PDE8A: variants seen among roughly 807,000 people sequenced by gnomAD.
PDE8A encodes phosphodiesterase 8A.
In PDE8A, 59 loss-of-function variants were observed where a neutral mutation model predicts 105.0. That is an observed-to-expected ratio of 0.56 (90% CI 0.46 to 0.70). The LOEUF is 0.70. PDE8A is among the 30% of genes least tolerant of loss of function. The pLI, the probability that PDE8A is intolerant of heterozygous loss-of-function variation, is 0.00. For missense variants in PDE8A, 1,014 were observed against 1,045.9 expected (o/e 0.97, Z 0.42); for synonymous variants, 355 against 371.9 (o/e 0.95, Z 0.52).
At chr15:85,096,994 A>T (rs1380337555) in intron 8 of PDE8A, among the ~76,000 whole-genome samples, 1 of 152,172 alleles carries the variant, frequency 6.6e-6, no homozygotes, top group Non-Finnish European at 1.5e-5. Context: ...GACCTGGAGT[A>T]GGGCTCTGGA....
chr15:85,097,299 G>A (rs1176721251), intron 8 of PDE8A, among the ~76,000 whole-genome samples: 1 of 152,138 alleles, frequency 6.6e-6, no homozygotes, highest in African/African-American at 2.4e-5. Context: ...GTCTTGTTCT[G>A]TGTAGCCCTC....
At chr15:85,084,388 A>G (rs1221548522) in intron 6 of PDE8A, among the ~76,000 whole-genome samples, 1 of 152,072 alleles carries the variant, frequency 6.6e-6, no homozygotes, top group Non-Finnish European at 1.5e-5. Flanking sequence ...ATTAGCGGGC[A>G]GAGTGTGAGT....
chr15:85,105,236 C>T (rs1191914617), intron 11 of PDE8A, among the ~76,000 whole-genome samples: 2 of 152,000 alleles, frequency 1.3e-5, no homozygotes, highest in South Asian at 2.1e-4. Flanking sequence ...GAGATTTGGT[C>T]TGTGCCTGGA....
intron 1 of PDE8A, among the ~76,000 whole-genome samples, chr15:84,995,569 C>T (rs2079963241): frequency 6.6e-6 from 1 of 152,164 alleles, no homozygotes; most frequent in Non-Finnish European, 1.5e-5. Flanking sequence ...AGTCCTCCTG[C>T]CTCAGCTTCC....
At chr15:85,043,504 A>G (rs1332056575) in intron 1 of PDE8A, among the ~76,000 whole-genome samples, 2 of 152,184 alleles carry the variant, frequency 1.3e-5, no homozygotes, top group South Asian at 4.1e-4. Flanking sequence ...TATCTCTCCT[A>G]TAGTTGACTA....
Position 85,064,416 on chromosome 15 carries a change from A to G in PDE8A, c.233A>G (p.Asp78Gly). ...VQFGPMRFHQ[D>G]QLQVLLVFTK... ...TTTGGCCCCATGAGATTTCATCAAG[A>G]TCAACTTCAGGTAATAATGAACGAT... is the stretch of plus-strand genomic sequence containing the variant. The change falls in exon 2 of 22, where the codon GAT becomes GGT. Residue 78 changes from aspartate (D) to glycine (G), a missense_variant. Coordinates refer to ENST00000394553, the MANE Select transcript of PDE8A (RefSeq NM_002605.3). 1 of 1,605,880 alleles carries G rather than the reference A, an allele frequency of 6.2e-7. No individual in the cohort carries two copies. The highest frequency in any genetic ancestry group is 8.5e-7 in the Non-Finnish European group (1 of 1,172,654).
At chr15:85,051,660 CCCA>C (rs1366233156) in intron 1 of PDE8A, among the ~76,000 whole-genome samples, 5 of 152,170 alleles carry the variant, frequency 3.3e-5, no homozygotes, top group Admixed American at 2.6e-4. Flanking sequence ...TGTTGTTCCC[CCCA>C]CATGTCCATG....
At chr15:85,099,892 A>G (rs1163754941) in intron 9 of PDE8A, 123 bp from the exon 10 acceptor site, 3 of 736,560 alleles carry the variant, frequency 4.1e-6, no homozygotes, top group Admixed American at 4.8e-5. Flanking sequence ...AGTGAGAAGA[A>G]ATGTTCTCAG....
At chr15:85,023,221 A>G (rs943373746) in intron 1 of PDE8A, among the ~76,000 whole-genome samples, 3 of 152,148 alleles carry the variant, frequency 2.0e-5, no homozygotes, top group African/African-American at 7.2e-5. Context: ...GTCGCTGAAT[A>G]GGGAAAGTGT....
At chr15:85,133,219 A>G (rs1238286623) in intron 20 of PDE8A, among the ~76,000 whole-genome samples, 6 of 152,152 alleles carry the variant, frequency 3.9e-5, no homozygotes, top group African/African-American at 1.4e-4. Context: ...GGTTATCCTC[A>G]GGGCCTTAGA....
rs139926216 is a variant in PDE8A at position 85,021,311 on chromosome 15, G to T, written c.186+38963G>T. ...AGTCTCAGCAATTTGGGAAGCTGAG[G>T]TGGGAGGATTGCTTGAAGCCAGGAG... On this transcript the variant is annotated intron_variant, in intron 1 of 21. Transcript: ENST00000394553. Among the ~76,000 whole-genome samples the T allele has an allele frequency of 2.7e-3, 415 of 152,292 alleles. 1 individual carries two copies. The highest frequency in any genetic ancestry group is 9.7e-3 in the African/African-American group (402 of 41,556).
intron 1 of PDE8A, 147 bp downstream of exon 1, chr15:84,982,495 C>A (rs915067326): frequency 4.3e-6 from 2 of 470,434 alleles, no homozygotes; most frequent in Non-Finnish European, 6.9e-6. Flanking sequence ...ACGCCAGTCT[C>A]CCGCCTTGCC....
chr15:85,090,263 A>C (rs956782422), intron 7 of PDE8A, among the ~76,000 whole-genome samples: 7 of 152,218 alleles, frequency 4.6e-5, no homozygotes, highest in Non-Finnish European at 1.0e-4. Context: ...GTGGAAATGG[A>C]AATAATATTA....
At chr15:85,002,738 A>T (rs1383369764) in intron 1 of PDE8A, among the ~76,000 whole-genome samples, 1 of 152,078 alleles carries the variant, frequency 6.6e-6, no homozygotes, top group Non-Finnish European at 1.5e-5. Context: ...GGTAACCAGC[A>T]CCCCATCTTG....
At chr15:85,019,577 G>A (rs1443420496) in intron 1 of PDE8A, among the ~76,000 whole-genome samples, 2 of 151,788 alleles carry the variant, frequency 1.3e-5, no homozygotes, top group Non-Finnish European at 2.9e-5. Flanking sequence ...TATTTTTGTG[G>A]GGTTTTTTTT....
intron 11 of PDE8A, among the ~76,000 whole-genome samples, chr15:85,107,239 T>TG (rs2081959969): frequency 6.6e-6 from 1 of 152,116 alleles, no homozygotes; most frequent in Non-Finnish European, 1.5e-5. Flanking sequence ...CATAGAGGTT[T>TG]GGGAGGCAAA....
chr15:84,981,127 C>T (rs2079700005), upstream of PDE8A, among the ~76,000 whole-genome samples: 1 of 152,238 alleles, frequency 6.6e-6, no homozygotes, highest in Admixed American at 6.5e-5. Flanking sequence ...AGTTACGGAG[C>T]CGGAATTCGA....
chr15:85,019,288 A>T (rs763762470), intron 1 of PDE8A, among the ~76,000 whole-genome samples: 20 of 152,250 alleles, frequency 1.3e-4, no homozygotes, highest in Admixed American at 3.9e-4. Context: ...ACACACATAG[A>T]TGTATTTAGG....
rs2080185418 is a variant in PDE8A at position 85,008,499 on chromosome 15, C to A, written c.186+26151C>A. On this transcript the variant is annotated intron_variant, in intron 1 of 21. Coordinates refer to ENST00000394553, the MANE Select transcript of PDE8A (RefSeq NM_002605.3). ...GGAGAAAGTTGAAGTCATTCTAGTT[C>A]CACACTCTGGGCCCCATTTTTAATA... Among the ~76,000 whole-genome samples, 4 of 151,986 alleles carry A rather than the reference C, an allele frequency of 2.6e-5. No homozygotes were observed. In the South Asian group the frequency reaches 8.3e-4, roughly 32 times the overall value.
Sources: allele counts gnomAD v4.1 joint callset (sites outside exome capture counted in the v4.1 genomes callset), GRCh38; gene constraint gnomAD v4.1.1; transcripts MANE v1.5; gene names NCBI Gene and HGNC (gene_info 2026-07-23, HGNC 2026-07-21).